The following MAX variants were observed in gnomAD, a reference collection of about 807,000 sequenced individuals.
MAX encodes protein max.
MAX carries 3 observed loss-of-function variants against 22.3 expected under a neutral mutation model. The ratio of observed to expected loss-of-function variants is 0.13; its 90% CI spans 0.06 to 0.35. MAX has a LOEUF of 0.35. MAX is among the 10% of genes least tolerant of loss of function. MAX has a pLI of 1.00. For synonymous variants in MAX, 72 were observed against 77.7 expected (o/e 0.93, Z 0.39); for missense variants, 119 against 209.4 (o/e 0.57, Z 2.66).
rs2062689740 is a variant in MAX at position 65,054,679 on chromosome 14, A to C, written c.171+39029T>G. 6.2e-7 allele frequency: 1 copy of C among 1,610,248 alleles called. No homozygotes were observed. The highest frequency in any genetic ancestry group is 8.5e-7 in the Non-Finnish European group (1 of 1,178,358). ...CATGATGTGGTCCTGGGTGTGCCCGAAAACGCTCTGGTAAGACGGGTGCAG... is the reference window on the plus strand; with the variant it reads ...CATGATGTGGTCCTGGGTGTGCCCGCAAACGCTCTGGTAAGACGGGTGCAG... On this transcript the variant is annotated intron_variant, in intron 3 of 3. Transcript: ENST00000341653. The surrounding 1 kb of genome is among the most constrained non-coding windows in gnomAD (Gnocchi z 4.4).
intron 3 of MAX, chr14:65,081,927 C>G (rs1481027417): frequency 1.3e-5 from 2 of 152,142 alleles, no homozygotes; most frequent in African/African-American, 4.8e-5. Context: ...CAAAGGGATA[C>G]TGGGCAGCCT....
intron 3 of MAX, among the ~76,000 whole-genome samples, chr14:65,086,054 T>C (rs1172483138): frequency 2.0e-5 from 3 of 152,190 alleles, no homozygotes; most frequent in Non-Finnish European, 2.9e-5. Context: ...TGAGAGCTGA[T>C]GGTTTTAAAA....
intron 3 of MAX, among the ~76,000 whole-genome samples, chr14:65,026,949 A>T (rs1379463018): frequency 6.6e-6 from 1 of 152,114 alleles, no homozygotes; most frequent in Non-Finnish European, 1.5e-5. Flanking sequence ...AATGGGAGTG[A>T]GAAGACCTCT....
chr14:65,072,232 C>T (rs562831988), downstream of MAX, among the ~76,000 whole-genome samples: 431 of 152,306 alleles, frequency 2.8e-3, no homozygotes, highest in South Asian at 5.4e-3. Flanking sequence ...CCAGCCTAGG[C>T]ATGCTACAGA....
intron 3 of MAX, chr14:65,061,307 G>A (rs749304087): frequency 3.4e-5 from 55 of 1,613,580 alleles, no homozygotes; most frequent in South Asian, 4.4e-5. Context: ...GCCTGCAACC[G>A]ACTAGAGGAC....
At chr14:65,037,403 C>T (rs8008181) in intron 3 of MAX, among the ~76,000 whole-genome samples, 27,756 of 29,538 alleles carry the variant, frequency 0.94, 13,582 homozygotes, top group Middle Eastern at 1. Context: ...ACGCCGGGCC[C>T]TTTTTTTTTT....
chr14:65,037,220 C>T (rs570959491), intron 3 of MAX, among the ~76,000 whole-genome samples: 1 of 151,396 alleles, frequency 6.6e-6, no homozygotes, highest in East Asian at 1.9e-4. Flanking sequence ...TCTCCTGCCT[C>T]AGCCTCCTGA....
chr14:65,043,593 C>T (rs531171109), intron 3 of MAX, among the ~76,000 whole-genome samples: 2 of 151,788 alleles, frequency 1.3e-5, no homozygotes, highest in African/African-American at 2.4e-5. Flanking sequence ...GAGGCCGAGG[C>T]GGGTGGATCA....
chr14:65,076,558 A>G lies in MAX; in HGVS notation c.401T>C (p.Phe134Ser). 6.2e-7 allele frequency: 1 copy of G among 1,613,990 alleles called. No individual in the cohort carries two copies. Among genetic ancestry groups the G allele is most frequent in the Non-Finnish European group, 8.5e-7 (1 of 1,179,988 alleles). ...CGAGCTGGAGTCCGAGCCCCCATCG[A>G]AGGCAGAGATGGTGCTGCCCTTGGC... ...TNAKGSTISA[F>S]DGGSDSSSES... Residue 134 changes from phenylalanine to serine, a missense_variant, in exon 5 of 5, where the codon TTC becomes TCC. By Grantham distance (155) the Phe-to-Ser change is radical. Coordinates refer to ENST00000358664, the MANE Select transcript of MAX (RefSeq NM_002382.5). The surrounding 1 kb of genome is among the most constrained non-coding windows in gnomAD (Gnocchi z 6.6).
Position 65,069,170 on chromosome 14 carries a change from G to T in MAX, c.171+24538C>A, listed in dbSNP as rs186473150. On this transcript the variant is annotated intron_variant, in intron 3 of 3. Coordinates refer to the MAX transcript ENST00000341653. The surrounding 1 kb of genome is among the most constrained non-coding windows in gnomAD (Gnocchi z 4.6). ...CATGTGCCTGGATACCAAGGGACCA[G>T]TGAAAGTGGTGGAATAGAATCGTGA... Among the ~76,000 whole-genome samples, 46 of 152,330 alleles carry T rather than the reference G, an allele frequency of 3.0e-4. No individual in the cohort carries two copies. Among genetic ancestry groups the T allele is most frequent in the Admixed American group, 1.8e-3 (27 of 15,302 alleles).
rs1350488718 is a variant in MAX, at chr14:65,044,952, C to G, written c.172-38668G>C. Among the ~76,000 whole-genome samples, 1 of 152,170 alleles carries G rather than the reference C, an allele frequency of 6.6e-6. No homozygotes were observed. Among genetic ancestry groups the G allele is most frequent in the African/African-American group, 2.4e-5 (1 of 41,438 alleles). ...TGGAGAAGAGACTCGCCGTGTCTGA[C>G]TGGCTGCAGAGTTGTCACTATTAGA... On this transcript the variant is annotated intron_variant, in intron 3 of 3. Transcript: ENST00000341653. This position sits in a 1 kb window ranked among gnomAD's most constrained non-coding sequence, Gnocchi z 5.5.
chr14:65,055,483 C>A (rs1397048938), intron 3 of MAX, among the ~76,000 whole-genome samples: 1 of 151,834 alleles, frequency 6.6e-6, no homozygotes, highest in African/African-American at 2.4e-5. Context: ...TCATTGTAAC[C>A]TTCCTTTTTT....
At chr14:65,060,324 C>G (rs966687364) in intron 3 of MAX, among the ~76,000 whole-genome samples, 3 of 151,712 alleles carry the variant, frequency 2.0e-5, no homozygotes, top group Admixed American at 2.0e-4. Context: ...TGTGGTGGCT[C>G]ACACCTGTAA....
intron 3 of MAX, among the ~76,000 whole-genome samples, chr14:65,087,340 T>C (rs1328115638): frequency 6.6e-6 from 1 of 152,206 alleles, no homozygotes; most frequent in Non-Finnish European, 1.5e-5. Context: ...GTAGATCCAC[T>C]GACTGACATC....
Position 65,054,714 on chromosome 14 carries a change from C to T in MAX, c.171+38994G>A, listed in dbSNP as rs747276105. ...GGTAAGACGGGTGCAGGGCTTCACACCCCTTCTCCACAGGGACCTCGCGGA... is the reference window on the plus strand; with the variant it reads ...GGTAAGACGGGTGCAGGGCTTCACATCCCTTCTCCACAGGGACCTCGCGGA... On this transcript the variant is annotated intron_variant, in intron 3 of 3. Transcript: ENST00000341653. This position sits in a 1 kb window ranked among gnomAD's most constrained non-coding sequence, Gnocchi z 4.4. 1 of 1,585,848 alleles carries T rather than the reference C, an allele frequency of 6.3e-7. No homozygotes were observed. The highest frequency in any genetic ancestry group is 1.3e-5 in the African/African-American group (1 of 74,102).
At chr14:65,066,262 C>T (rs529354839) in intron 3 of MAX, among the ~76,000 whole-genome samples, 4 of 152,330 alleles carry the variant, frequency 2.6e-5, no homozygotes, top group Admixed American at 2.0e-4. Context: ...GTGATGAGTC[C>T]GTCTTCCCAG....
chr14:65,084,707 A>C lies in MAX; in HGVS notation c.172-6671T>G. 6.6e-6 allele frequency among the ~76,000 whole-genome samples: 1 copy of C among 152,242 alleles called. No homozygotes were observed. The highest frequency in any genetic ancestry group is 1.9e-4 in the East Asian group (1 of 5,204). On this transcript the variant is annotated intron_variant, in intron 3 of 4. Transcript: ENST00000358664. The surrounding 1 kb of genome is among the most constrained non-coding windows in gnomAD (Gnocchi z 4.3). Reference sequence around the variant, plus strand: ...CAAAAGAAACATGCCTAATGACTAAACATGAGCACACTGTATGACCTAGCG... The same window carrying C: ...CAAAAGAAACATGCCTAATGACTAACCATGAGCACACTGTATGACCTAGCG...
At chr14:65,038,149 G>A (rs887573142) in intron 3 of MAX, among the ~76,000 whole-genome samples, 6 of 151,614 alleles carry the variant, frequency 4.0e-5, no homozygotes, top group Non-Finnish European at 5.9e-5. Context: ...GGTGGCTCAC[G>A]CCTGTAATCC....
chr14:65,045,925 C>T (rs1171706453), intron 3 of MAX, among the ~76,000 whole-genome samples: 1 of 152,226 alleles, frequency 6.6e-6, no homozygotes, highest in Admixed American at 6.5e-5. Flanking sequence ...GGAGCCTGCA[C>T]AGTCTCTGCC....
Sources: allele counts gnomAD v4.1 joint callset (sites outside exome capture counted in the v4.1 genomes callset), GRCh38; gene constraint gnomAD v4.1.1; non-coding constraint Gnocchi (gnomAD v3.1); transcripts MANE v1.5; gene names NCBI Gene and HGNC (gene_info 2026-07-23, HGNC 2026-07-21).